Variants in NKAIN2 observed in about 807,000 individuals in gnomAD.
NKAIN2 encodes the protein sodium/potassium transporting ATPase interacting 2, also known as sodium/potassium-transporting ATPase subunit beta-1-interacting protein 2.
A neutral mutation model predicts 32.6 loss-of-function variants in NKAIN2; 14 were observed. That is an observed-to-expected ratio of 0.43 (90% CI 0.28 to 0.67). The LOEUF (loss-of-function observed/expected upper bound fraction) is 0.67. Ranked by LOEUF, NKAIN2 falls within the 30% of genes least tolerant of loss-of-function variation. NKAIN2 has a pLI of 0.17. For missense variants in NKAIN2, 198 were observed against 258.3 expected (o/e 0.77, Z 1.60); for synonymous variants, 80 against 87.2 (o/e 0.92, Z 0.46).
At chr6:124,027,484 C>T (rs1347465451) in intron 1 of NKAIN2, among the ~76,000 whole-genome samples, 1 of 152,082 alleles carries the variant, frequency 6.6e-6, no homozygotes, top group East Asian at 1.9e-4. Flanking sequence ...AGTCTATATC[C>T]CCTGCCTTAG....
intron 1 of NKAIN2, among the ~76,000 whole-genome samples, chr6:123,910,497 A>ATTTTTTTTTTTTT (rs1775116027): frequency 1.0e-5 from 1 of 97,816 alleles, no homozygotes; most frequent in African/African-American, 4.2e-5. Flanking sequence ...CCTGCAATGC[A>ATTTTTTTTTTTTT]TGTTTTTTTT....
intron 3 of NKAIN2, among the ~76,000 whole-genome samples, chr6:124,650,137 G>C (rs1457798234): frequency 6.6e-6 from 1 of 152,182 alleles, no homozygotes; most frequent in Non-Finnish European, 1.5e-5. Flanking sequence ...TTTACTGGAA[G>C]TTGTAGCTAA....
chr6:124,253,981 C>A (rs1173386529), intron 1 of NKAIN2, among the ~76,000 whole-genome samples: 1 of 151,982 alleles, frequency 6.6e-6, no homozygotes, highest in East Asian at 1.9e-4. Flanking sequence ...CCATGCCTGG[C>A]TAATTTTGTA....
intron 5 of NKAIN2, among the ~76,000 whole-genome samples, chr6:124,812,840 C>T (rs1254601185): frequency 6.6e-6 from 1 of 151,908 alleles, no homozygotes; most frequent in Non-Finnish European, 1.5e-5. Flanking sequence ...AAAAACTTGC[C>T]ATGAACTATG....
chr6:124,385,672 T>C (rs921915854), intron 3 of NKAIN2, among the ~76,000 whole-genome samples: 12 of 152,144 alleles, frequency 7.9e-5, no homozygotes, highest in African/African-American at 2.7e-4. Flanking sequence ...GGACAATAAA[T>C]TATGTGTTCA....
At chr6:124,617,459 C>T (rs982804631) in intron 3 of NKAIN2, among the ~76,000 whole-genome samples, 3 of 152,164 alleles carry the variant, frequency 2.0e-5, no homozygotes, top group Non-Finnish European at 4.4e-5. Context: ...AAATATTCCT[C>T]AAGGACCAGC....
intron 1 of NKAIN2, among the ~76,000 whole-genome samples, chr6:124,213,915 T>G (rs563382900): frequency 6.6e-6 from 1 of 152,306 alleles, no homozygotes; most frequent in South Asian, 2.1e-4. Flanking sequence ...CTCGGCATTT[T>G]CAACAATAAT....
intron 1 of NKAIN2, among the ~76,000 whole-genome samples, chr6:124,110,442 C>T (rs112066791): frequency 3.7e-4 from 56 of 151,952 alleles, no homozygotes; most frequent in African/African-American, 1.2e-3. Context: ...AGTGCATGTA[C>T]GGATTTTTTG....
chr6:124,618,185 G>A (rs887358261), intron 3 of NKAIN2, among the ~76,000 whole-genome samples: 2 of 152,118 alleles, frequency 1.3e-5, no homozygotes, highest in African/African-American at 4.8e-5. Context: ...CTTGAATAAA[G>A]AACAAATTCT....
intron 2 of NKAIN2, among the ~76,000 whole-genome samples, chr6:124,287,130 G>C (rs569290287): frequency 6.6e-6 from 1 of 152,234 alleles, no homozygotes; most frequent in Admixed American, 6.5e-5. Context: ...TCTTATTACA[G>C]TTAACTCTCT....
chr6:124,414,261 A>G (rs1774358802), intron 3 of NKAIN2, among the ~76,000 whole-genome samples: 1 of 152,054 alleles, frequency 6.6e-6, no homozygotes, highest in Admixed American at 6.6e-5. Flanking sequence ...GATTTTTATA[A>G]AATGTTTTTT....
chr6:124,505,157 G>T (rs957217268), intron 3 of NKAIN2, among the ~76,000 whole-genome samples: 2 of 152,016 alleles, frequency 1.3e-5, no homozygotes, highest in Non-Finnish European at 2.9e-5. Context: ...TAGGCCAAAG[G>T]GTTCTGAAAT....
At chr6:124,808,553 A>G (rs1214369751) in intron 5 of NKAIN2, among the ~76,000 whole-genome samples, 5 of 152,236 alleles carry the variant, frequency 3.3e-5, no homozygotes, top group African/African-American at 4.8e-5. Context: ...AACTGGAAGC[A>G]TTCCCTTTGA....
At chr6:123,916,025 T>G (rs1053916048) in intron 1 of NKAIN2, among the ~76,000 whole-genome samples, 7 of 152,172 alleles carry the variant, frequency 4.6e-5, no homozygotes, top group Non-Finnish European at 1.0e-4. Flanking sequence ...CAAAGCTCTT[T>G]TTAAAAACAC....
At chr6:124,046,827 G>A (rs191589855) in intron 1 of NKAIN2, among the ~76,000 whole-genome samples, 13 of 152,002 alleles carry the variant, frequency 8.6e-5, no homozygotes, top group Admixed American at 7.2e-4. Flanking sequence ...GAACACCATA[G>A]AACTGGAGAA....
chr6:124,620,815 A>T (rs479680), intron 3 of NKAIN2, among the ~76,000 whole-genome samples: 11 of 152,106 alleles, frequency 7.2e-5, no homozygotes, highest in African/African-American at 2.7e-4. Context: ...TACCCAAGCT[A>T]AAAAGATATT....
intron 3 of NKAIN2, among the ~76,000 whole-genome samples, chr6:124,575,878 C>A (rs1781313837): frequency 6.6e-6 from 1 of 152,120 alleles, no homozygotes; most frequent in African/African-American, 2.4e-5. Context: ...AAAATATTTT[C>A]TTTATAATGT....
At chr6:124,594,237 A>T (rs1036039974) in intron 3 of NKAIN2, among the ~76,000 whole-genome samples, 4 of 152,260 alleles carry the variant, frequency 2.6e-5, no homozygotes, top group South Asian at 2.1e-4. Flanking sequence ...AAGTCATTAA[A>T]TTTATTCAAA....
chr6:124,260,165 T>C (rs957600700), intron 1 of NKAIN2, among the ~76,000 whole-genome samples: 2 of 152,148 alleles, frequency 1.3e-5, no homozygotes, highest in Non-Finnish European at 2.9e-5. Context: ...GCAATATATA[T>C]TGAGCACCTA....
Sources: gnomAD v4.1 joint callset for allele counts (sites outside exome capture counted in the v4.1 genomes callset) on GRCh38, gnomAD v4.1.1 for gene constraint, MANE v1.5 for transcripts, NCBI Gene and HGNC (gene_info 2026-07-23, HGNC 2026-07-21) for gene names.